MYRIP: variants seen among roughly 807,000 people sequenced by gnomAD.
MYRIP encodes the protein myosin VIIA and Rab interacting protein, also known as rab effector MyRIP.
A neutral mutation model predicts 98.0 loss-of-function variants in MYRIP; 49 were observed. The ratio of observed to expected loss-of-function variants is 0.50; its 90% CI spans 0.40 to 0.63. The LOEUF (loss-of-function observed/expected upper bound fraction) is 0.63. MYRIP is among the 30% of genes least tolerant of loss of function. The probability of loss-of-function intolerance (pLI) is 0.00; values close to 1 mark genes in which losing one functional copy is unlikely to be tolerated. For synonymous variants in MYRIP, 404 were observed against 409.5 expected, an observed-to-expected ratio of 0.99 and a Z score of 0.16; for missense variants, 1,004 against 1,058.2, an observed-to-expected ratio of 0.95 and a Z score of 0.71.
At chr3:39,852,653 G>A (rs777688278) in intron 1 of MYRIP, among the ~76,000 whole-genome samples, 13 of 151,962 alleles carry the variant, frequency 8.6e-5, no homozygotes, top group Non-Finnish European at 1.6e-4. Context: ...CCATTTCTGA[G>A]TTACGTCACT....
At chr3:39,943,800 T>C (rs566631550) in intron 2 of MYRIP, among the ~76,000 whole-genome samples, 2 of 152,320 alleles carry the variant, frequency 1.3e-5, no homozygotes, top group African/African-American at 4.8e-5. Context: ...GCTGCTATTA[T>C]GTTGCAGTTT....
intron 4 of MYRIP, among the ~76,000 whole-genome samples, chr3:40,161,962 G>A (rs1950404726): frequency 6.6e-6 from 1 of 152,092 alleles, no homozygotes; most frequent in Admixed American, 6.5e-5. Flanking sequence ...CACCTCACCA[G>A]AGCTGCTTTT....
intron 3 of MYRIP, among the ~76,000 whole-genome samples, chr3:40,056,487 T>C (rs78018277): frequency 2.6e-5 from 4 of 152,254 alleles, no homozygotes; most frequent in African/African-American, 9.6e-5. Context: ...TCGAGGCTTA[T>C]GGTTTTCTTT....
At chr3:39,920,029 G>C (rs1181078276) in intron 2 of MYRIP, among the ~76,000 whole-genome samples, 3 of 151,962 alleles carry the variant, frequency 2.0e-5, no homozygotes, top group African/African-American at 7.3e-5. Flanking sequence ...CATCTGACTG[G>C]AGAGTTATGA....
chr3:39,951,364 C>CAA (rs1316184983), intron 2 of MYRIP, among the ~76,000 whole-genome samples: 1 of 151,960 alleles, frequency 6.6e-6, no homozygotes, highest in East Asian at 1.9e-4. Flanking sequence ...TGGTGGAATT[C>CAA]AGTTGGGAGT....
chr3:39,871,137 T>G (rs1332053871), intron 1 of MYRIP, among the ~76,000 whole-genome samples: 1 of 152,212 alleles, frequency 6.6e-6, no homozygotes, highest in African/African-American at 2.4e-5. Flanking sequence ...AGGGTTATTC[T>G]AATTTGAGAA....
At chr3:40,098,403 A>T (rs978455429) in intron 3 of MYRIP, among the ~76,000 whole-genome samples, 1 of 152,154 alleles carries the variant, frequency 6.6e-6, no homozygotes, top group African/African-American at 2.4e-5. Flanking sequence ...GAAAAGAGGG[A>T]CCCTTTGGTA....
At chr3:39,820,380 G>GATTTT (rs1941068453) in intron 1 of MYRIP, among the ~76,000 whole-genome samples, 1 of 79,764 alleles carries the variant, frequency 1.3e-5, no homozygotes, top group African/African-American at 5.4e-5. Flanking sequence ...TTTACATGAT[G>GATTTT]GTTTTGTTTG....
chr3:40,027,566 A>T (rs1335176349), intron 2 of MYRIP, among the ~76,000 whole-genome samples: 2 of 152,230 alleles, frequency 1.3e-5, no homozygotes, highest in East Asian at 3.9e-4. Flanking sequence ...CTTGCCACCA[A>T]TCTAAAGTAG....
At position 40,190,303 on chromosome 3, in the gene MYRIP, T is replaced by C; in HGVS notation, c.1505T>C (p.Leu502Ser). 1.2e-6 allele frequency: 2 copies of C among 1,613,832 alleles called. No individual in the cohort carries two copies. Among genetic ancestry groups the C allele is most frequent in the Non-Finnish European group, 1.7e-6 (2 of 1,179,976 alleles). ...GELDVNFNPQ[L>S]ASRETSDSSE... ...CTGGACGTGAACTTCAACCCCCAGT[T>C]GGCCAGCAGGGAGACCTCGGACAGC... Residue 502 changes from leucine to serine, a missense_variant, in exon 10 of 17, where the codon TTG (leucine) becomes TCG (serine). By Grantham distance (145) the Leu-to-Ser change is moderately radical. This residue lies in a region of MYRIP where 880 missense variants were observed against 907.7 expected (regional missense o/e 0.97). Transcript: ENST00000302541.
chr3:40,009,237 CTT>C (rs553315704), intron 2 of MYRIP, among the ~76,000 whole-genome samples: 17 of 139,166 alleles, frequency 1.2e-4, no homozygotes, highest in Admixed American at 2.1e-4. Flanking sequence ...ACTGCTACTT[CTT>C]TTTTTTTTTT....
At chr3:40,039,622 G>A (rs1300299865) in intron 2 of MYRIP, among the ~76,000 whole-genome samples, 1 of 152,004 alleles carries the variant, frequency 6.6e-6, no homozygotes, top group African/African-American at 2.4e-5. Context: ...TGACCACCAG[G>A]GATGGTTCTT....
intron 12 of MYRIP, among the ~76,000 whole-genome samples, chr3:40,244,099 G>A (rs1953109567): frequency 6.6e-6 from 1 of 152,110 alleles, no homozygotes; most frequent in Admixed American, 6.6e-5. Context: ...ACTCCATCAT[G>A]AGTCTCTTTG....
At chr3:39,962,683 C>T (rs921372650) in intron 2 of MYRIP, among the ~76,000 whole-genome samples, 4 of 152,074 alleles carry the variant, frequency 2.6e-5, no homozygotes, top group Non-Finnish European at 5.9e-5. Flanking sequence ...CCACCCAGGG[C>T]TTTTCAATCC....
intron 3 of MYRIP, among the ~76,000 whole-genome samples, chr3:40,121,666 C>G (rs2125911422): frequency 6.6e-6 from 1 of 152,282 alleles, no homozygotes; most frequent in African/African-American, 2.4e-5. Context: ...CCCAGCACTG[C>G]CCTGTCAGGG....
chr3:39,977,826 G>A (rs1314270665), intron 2 of MYRIP, among the ~76,000 whole-genome samples: 2 of 152,010 alleles, frequency 1.3e-5, no homozygotes, highest in Non-Finnish European at 2.9e-5. Context: ...ATATTTCTCT[G>A]CTTTTCCTGA....
chr3:40,135,791 T>C (rs1419433226), intron 3 of MYRIP, among the ~76,000 whole-genome samples: 1 of 152,180 alleles, frequency 6.6e-6, no homozygotes, highest in Non-Finnish European at 1.5e-5. Flanking sequence ...CTAAGCTTCA[T>C]AAGTGAAGGA....
intron 8 of MYRIP, chr3:40,174,411 T>G (rs772376385): frequency 7.9e-5 from 12 of 152,248 alleles, no homozygotes; most frequent in Non-Finnish European, 1.5e-4. Flanking sequence ...ATGCTCTATC[T>G]TCCCCCCCAT....
At chr3:39,975,125 A>G (rs1227737148) in intron 2 of MYRIP, among the ~76,000 whole-genome samples, 2 of 152,236 alleles carry the variant, frequency 1.3e-5, no homozygotes, top group Non-Finnish European at 2.9e-5. Flanking sequence ...TGCAGATGAC[A>G]TGATTGTATG....
Sources: allele counts gnomAD v4.1 joint callset (sites outside exome capture counted in the v4.1 genomes callset), GRCh38; gene constraint gnomAD v4.1.1; regional missense constraint gnomAD v4.1.1; transcripts MANE v1.5; gene names NCBI Gene and HGNC (gene_info 2026-07-23, HGNC 2026-07-21).